The following FGFR1 variants were observed in gnomAD, a reference collection of about 807,000 sequenced individuals.
FGFR1 encodes the protein fibroblast growth factor receptor 1, also known as FGFR1/PLAG1 fusion.
In FGFR1, 18 loss-of-function variants were observed where a neutral mutation model predicts 93.7. That is an observed-to-expected ratio of 0.19 (90% CI 0.13 to 0.28). FGFR1 has a LOEUF of 0.28. FGFR1 is among the 10% of genes least tolerant of loss of function. The probability of loss-of-function intolerance (pLI) is 1.00; values close to 1 mark genes in which losing one functional copy is unlikely to be tolerated. For synonymous variants in FGFR1, 448 were observed against 429.3 expected (o/e 1.04, Z -0.54); for missense variants, 731 against 1,080.4 (o/e 0.68, Z 4.53).
chr8:38,467,872 G>C, intron 1 of FGFR1, 109 bp downstream of exon 1: 1 of 227,822 alleles, frequency 4.4e-6, no homozygotes, highest in Non-Finnish European at 8.7e-6. Context: ...GGGAGGCGCC[G>C]GCCCCGGCTG....
chr8:38,426,045 C>G lies in FGFR1; in HGVS notation c.745+77G>C. The G allele has an allele frequency of 6.2e-7, 1 of 1,606,846 alleles. No homozygotes were observed. The highest frequency in any genetic ancestry group is 8.5e-7 in the Non-Finnish European group (1 of 1,175,804). ...TATCCTGACTCTGCCCCTAAGAAACCTGGACACCCCGGCTGTGTTCTCCAA... is the reference window on the plus strand; with the variant it reads ...TATCCTGACTCTGCCCCTAAGAAACGTGGACACCCCGGCTGTGTTCTCCAA... On this transcript the variant is annotated intron_variant, in intron 6 of 17. Transcript: ENST00000447712. This position sits in a 1 kb window ranked among gnomAD's most constrained non-coding sequence, Gnocchi z 4.1.
intron 8 of FGFR1, among the ~76,000 whole-genome samples, chr8:38,421,143 C>T (rs1818614469): frequency 6.6e-6 from 1 of 152,182 alleles, no homozygotes; most frequent in East Asian, 1.9e-4. Context: ...AGCCACCACC[C>T]TGAGCAGGCT....
intron 1 of FGFR1, 102 bp from the exon 2 acceptor site, chr8:38,457,636 GTGGA>G: frequency 8.3e-7 from 1 of 1,204,434 alleles, no homozygotes; most frequent in Non-Finnish European, 1.2e-6. Flanking sequence ...TGCTTAAAGT[GTGGA>G]CTTACTAAGG....
At chr8:38,443,229 C>T (rs2151147311) in intron 2 of FGFR1, among the ~76,000 whole-genome samples, 1 of 152,040 alleles carries the variant, frequency 6.6e-6, no homozygotes. Flanking sequence ...AAATGCACCA[C>T]AAAGAAATGA....
intron 2 of FGFR1, among the ~76,000 whole-genome samples, chr8:38,438,534 C>T (rs1300214651): frequency 6.8e-6 from 1 of 147,074 alleles, no homozygotes; most frequent in African/African-American, 2.5e-5. Context: ...CAGACCCAGA[C>T]TCCGTCTCAA....
Position 38,417,927 on chromosome 8 carries a change from C to T in FGFR1, c.1495G>A (p.Gly499Arg), listed in dbSNP as rs759552236. 1.2e-6 allele frequency: 2 copies of T among 1,614,188 alleles called. No individual in the cohort carries two copies. Among genetic ancestry groups the T allele is most frequent in the Non-Finnish European group, 1.7e-6 (2 of 1,180,032 alleles). The change falls in exon 11 of 18, where the codon GGG becomes AGG. Residue 499 changes from glycine (G) to arginine (R), a missense_variant. Coordinates refer to ENST00000447712, the MANE Select transcript of FGFR1 (RefSeq NM_023110.3). ...CGGTTGGGTTTGTCCTTGTCCAGCC[C>T]GATAGCCTCTGCCAACACCACCTGC... ...FGQVVLAEAI[G>R]LDKDKPNRVT... is the part of the protein sequence containing the mutation.
chr8:38,466,890 ACCCCAC>A (rs1359604743), intron 1 of FGFR1, among the ~76,000 whole-genome samples: 1 of 25,544 alleles, frequency 3.9e-5, no homozygotes, highest in Non-Finnish European at 9.5e-5. Context: ...CAGGCTTCAC[ACCCCAC>A]CCCCCCCCCA....
chr8:38,416,541 C>T lies in FGFR1; in HGVS notation c.1664-481G>A, dbSNP rs192189006. 3.3e-3 allele frequency among the ~76,000 whole-genome samples: 491 copies of T among 150,856 alleles called. 5 individuals are homozygous for T. The highest frequency in any genetic ancestry group is 0.011 in the African/African-American group (436 of 41,004). On this transcript the variant is annotated intron_variant, in intron 12 of 17. Coordinates refer to ENST00000447712, the MANE Select transcript of FGFR1 (RefSeq NM_023110.3). ...CGCGATCTCGGCTAACCGCAACCTC[C>T]GCCTCCCGTGTTCAAACGATTCTCC...
chr8:38,446,605 G>A (rs892367074), intron 2 of FGFR1, among the ~76,000 whole-genome samples: 5 of 151,964 alleles, frequency 3.3e-5, no homozygotes, highest in Non-Finnish European at 7.4e-5. Context: ...GTAGAGATGG[G>A]GTTTATGCCA....
At chr8:38,447,126 CA>C (rs1829580476) in intron 2 of FGFR1, among the ~76,000 whole-genome samples, 2 of 150,716 alleles carry the variant, frequency 1.3e-5, no homozygotes, top group Admixed American at 1.3e-4. Context: ...CACACACACA[CA>C]CACACACACA....
chr8:38,453,310 C>T (rs891664679), intron 2 of FGFR1, among the ~76,000 whole-genome samples: 1 of 152,214 alleles, frequency 6.6e-6, no homozygotes, highest in African/African-American at 2.4e-5. Context: ...CCCCTGGAGG[C>T]CCAGGGAAAG....
intron 2 of FGFR1, among the ~76,000 whole-genome samples, chr8:38,452,400 G>T: frequency 6.6e-6 from 1 of 152,096 alleles, no homozygotes; most frequent in East Asian, 1.9e-4. Context: ...TGACACCCAG[G>T]CTGGAGTGCA....
At chr8:38,455,452 G>A (rs1374087115) in intron 2 of FGFR1, among the ~76,000 whole-genome samples, 3 of 152,104 alleles carry the variant, frequency 2.0e-5, no homozygotes, top group African/African-American at 4.8e-5. Context: ...CACTACGCCC[G>A]GCTAATTTTT....
intron 2 of FGFR1, chr8:38,430,285 C>T (rs1057009189): frequency 7.2e-5 from 22 of 304,524 alleles, no homozygotes; most frequent in African/African-American, 3.4e-4. Flanking sequence ...CCCAGGACTT[C>T]TTTGTGTCCG....
At position 38,468,591 on chromosome 8, in the gene FGFR1, G is replaced by C. The variant is rs328307; in HGVS notation, c.-699C>G. 1 of 229,540 alleles carries C rather than the reference G, an allele frequency of 4.4e-6. No homozygotes were observed. Among genetic ancestry groups the C allele is most frequent in the Non-Finnish European group, 8.7e-6 (1 of 115,540 alleles). 14.2% of individuals were successfully genotyped at this position (229,540 alleles called of 1,614,324 possible). A position where few individuals can be genotyped will look rare whatever the true frequency, so the allele number is the denominator to read the frequency against. ...CTCCCGCTAGCTGCCGCCCGCCGCC[G>C]AGGACGCCGCGCCTGTGGCCGCAAG... On this transcript the variant is annotated 5_prime_UTR_variant, in exon 1 of 18. Transcript: ENST00000447712.
chr8:38,454,727 T>C (rs964059137), intron 2 of FGFR1, among the ~76,000 whole-genome samples: 1 of 152,140 alleles, frequency 6.6e-6, no homozygotes. Context: ...TAACCCTTTA[T>C]TATTTATCCC....
At chr8:38,454,449 GA>G in intron 2 of FGFR1, among the ~76,000 whole-genome samples, 1 of 152,208 alleles carries the variant, frequency 6.6e-6, no homozygotes, top group Middle Eastern at 3.4e-3. Flanking sequence ...CTCCCACTCT[GA>G]CTCACTCCCT....
chr8:38,420,520 C>G (rs1458577511), intron 8 of FGFR1, among the ~76,000 whole-genome samples: 1 of 152,082 alleles, frequency 6.6e-6, no homozygotes, highest in African/African-American at 2.4e-5. Context: ...TTTTGTTATT[C>G]TCTTCTCCCA....
Position 38,424,568 on chromosome 8 carries a change from T to A in FGFR1, c.877A>T (p.Ile293Phe), listed in dbSNP as rs767977802. 1.2e-6 allele frequency: 2 copies of A among 1,614,258 alleles called. No individual in the cohort carries two copies. Among genetic ancestry groups the A allele is most frequent in the Non-Finnish European group, 1.7e-6 (2 of 1,180,052 alleles). ...CCAATCTTGCTCCCATTCACCTCGA[T>A]GTGCTTTAGCCACTGGATGTGCGGC... ...PQPHIQWLKH[I>F]EVNGSKIGPD... Residue 293 changes from isoleucine to phenylalanine, a missense_variant, in exon 7 of 18, where the codon ATC (isoleucine) becomes TTC (phenylalanine). Physicochemically the swap from Ile to Phe is conservative, Grantham distance 21 (BLOSUM62 0). This residue lies in a region of FGFR1 where 109 missense variants were observed against 249.4 expected (regional missense o/e 0.44). Coordinates refer to ENST00000447712, the MANE Select transcript of FGFR1 (RefSeq NM_023110.3). This position sits in a 1 kb window ranked among gnomAD's most constrained non-coding sequence, Gnocchi z 4.3.
Sources: gnomAD v4.1 joint callset for allele counts (sites outside exome capture counted in the v4.1 genomes callset) on GRCh38, gnomAD v4.1.1 for gene constraint, gnomAD v4.1.1 regional missense constraint, Gnocchi (gnomAD v3.1) non-coding constraint, MANE v1.5 for transcripts, NCBI Gene and HGNC (gene_info 2026-07-23, HGNC 2026-07-21) for gene names.